The following ANKS1B variants were observed in gnomAD, a reference collection of about 807,000 sequenced individuals.
The protein encoded by ANKS1B is ankyrin repeat and sterile alpha motif domain-containing protein 1B.
Under a neutral mutation model 148.3 loss-of-function variants are expected in ANKS1B, and 36 were observed. That is an observed-to-expected ratio of 0.24 (90% CI 0.19 to 0.32). ANKS1B has a LOEUF of 0.32. ANKS1B is among the 10% of genes least tolerant of loss of function. The probability of loss-of-function intolerance (pLI) is 1.00; values close to 1 mark genes in which losing one functional copy is unlikely to be tolerated. For synonymous variants in ANKS1B, 542 were observed against 560.8 expected (o/e 0.97, Z 0.47); for missense variants, 1,157 against 1,542.6 (o/e 0.75, Z 4.19).
intron 8 of ANKS1B, among the ~76,000 whole-genome samples, chr12:99,670,045 C>G (rs1417236212): frequency 1.3e-5 from 2 of 152,036 alleles, no homozygotes; most frequent in African/African-American, 4.8e-5. Context: ...GGAGCCACTC[C>G]ATACCCTATT....
chr12:99,152,390 C>T (rs920014551), intron 15 of ANKS1B, among the ~76,000 whole-genome samples: 3 of 151,958 alleles, frequency 2.0e-5, no homozygotes, highest in Non-Finnish European at 4.4e-5. Flanking sequence ...GAAAATTATA[C>T]CAAATACTTT....
chr12:99,620,629 T>C (rs757278694), intron 9 of ANKS1B, among the ~76,000 whole-genome samples: 4 of 152,082 alleles, frequency 2.6e-5, no homozygotes, highest in Non-Finnish European at 4.4e-5. Context: ...GCTTCACCAA[T>C]TGACTCGACC....
At chr12:99,531,020 A>T (rs2096983761) in intron 9 of ANKS1B, among the ~76,000 whole-genome samples, 1 of 151,992 alleles carries the variant, frequency 6.6e-6, no homozygotes. Context: ...TGTTCTCCTT[A>T]TTCCCTCTGA....
chr12:98,895,332 G>T, intron 17 of ANKS1B: 13 of 984,594 alleles, frequency 1.3e-5, no homozygotes, highest in Non-Finnish European at 1.4e-5. Flanking sequence ...CGCACTCCGG[G>T]AGGCCGCCGG....
At chr12:99,722,457 A>G (rs986577966) in intron 8 of ANKS1B, among the ~76,000 whole-genome samples, 12 of 152,226 alleles carry the variant, frequency 7.9e-5, no homozygotes, top group African/African-American at 2.4e-4. Context: ...GCTCTATAAT[A>G]AAATAATAAA....
At chr12:99,361,268 C>T (rs116647624) in intron 12 of ANKS1B, among the ~76,000 whole-genome samples, 2,822 of 150,282 alleles carry the variant, frequency 0.019, 87 homozygotes, top group African/African-American at 0.063. Context: ...TAACCACAAA[C>T]ATTAAAAATA....
intron 19 of ANKS1B, among the ~76,000 whole-genome samples, chr12:98,823,221 G>A (rs534162938): frequency 1.3e-5 from 2 of 152,292 alleles, no homozygotes; most frequent in South Asian, 4.2e-4. Flanking sequence ...TTGACGAGCT[G>A]TCAAATCGGA....
intron 15 of ANKS1B, among the ~76,000 whole-genome samples, chr12:99,133,846 C>T (rs770499693): frequency 6.6e-6 from 1 of 152,212 alleles, no homozygotes; most frequent in Non-Finnish European, 1.5e-5. Context: ...AGCGCCTGAA[C>T]TTGTTGTTCC....
intron 11 of ANKS1B, among the ~76,000 whole-genome samples, chr12:99,441,257 A>G (rs2095545203): frequency 6.6e-6 from 1 of 151,852 alleles, no homozygotes; most frequent in Admixed American, 6.6e-5. Flanking sequence ...TTGGAACAGT[A>G]GCTCTCAACC....
intron 26 of ANKS1B, 60 bp from the exon 27 acceptor site, chr12:98,745,909 G>A: frequency 1.3e-6 from 2 of 1,557,830 alleles, no homozygotes; most frequent in Non-Finnish European, 8.7e-7. Context: ...GCGCATGCAC[G>A]CGGACGCCGC....
At chr12:99,077,319 G>A (rs1380054525) in intron 16 of ANKS1B, among the ~76,000 whole-genome samples, 1 of 152,176 alleles carries the variant, frequency 6.6e-6, no homozygotes, top group African/African-American at 2.4e-5. Context: ...CCAACACTGA[G>A]TGGCAGTGAG....
At chr12:98,818,074 C>T (rs2099155628) in intron 19 of ANKS1B, among the ~76,000 whole-genome samples, 2 of 152,146 alleles carry the variant, frequency 1.3e-5, no homozygotes, top group South Asian at 4.2e-4. Flanking sequence ...ACTGTCTTCC[C>T]AAGTTTAAGG....
rs758471310 is a variant in ANKS1B at position 99,244,388 on chromosome 12, A to G, written c.2373T>C (p.Asp791=). The part of the protein sequence containing the change: ...EEIDKIMSSI[D]VGINNELKEM... ...CTTTAAGTTCGTTGTTGATTCCAAC[A>G]TCTATGGAACTCATTATTTTGTCAA... The change falls in exon 14 of 27, where the codon GAT becomes GAC. Residue 791 remains aspartate, a synonymous_variant. Transcript: ENST00000683438. 6 of 1,607,094 alleles carry G rather than the reference A, an allele frequency of 3.7e-6. No individual in the cohort carries two copies. The highest frequency in any genetic ancestry group is 1.1e-5 in the South Asian group (1 of 89,806).
chr12:99,027,211 A>G (rs73386536), intron 17 of ANKS1B, among the ~76,000 whole-genome samples: 2,526 of 152,356 alleles, frequency 0.017, 64 homozygotes, highest in African/African-American at 0.057. Flanking sequence ...CAGACGTTTA[A>G]TATGTGCATT....
chr12:98,866,801 G>A (rs2099626854), intron 17 of ANKS1B, among the ~76,000 whole-genome samples: 2 of 152,034 alleles, frequency 1.3e-5, no homozygotes, highest in African/African-American at 2.4e-5. Context: ...TCTGGCTTAG[G>A]TACCCTCCAC....
chr12:98,844,611 T>C (rs1229963684), intron 17 of ANKS1B, among the ~76,000 whole-genome samples: 1 of 152,218 alleles, frequency 6.6e-6, no homozygotes, highest in East Asian at 1.9e-4. Flanking sequence ...AATAAAGCAC[T>C]TGATGAAGTC....
At chr12:99,662,331 T>C (rs2098481646) in intron 8 of ANKS1B, among the ~76,000 whole-genome samples, 1 of 152,192 alleles carries the variant, frequency 6.6e-6, no homozygotes, top group Non-Finnish European at 1.5e-5. Flanking sequence ...ATTATCACAA[T>C]GATAATTTTA....
At chr12:99,706,473 A>G (rs527766839) in intron 8 of ANKS1B, 1 of 152,120 alleles carries the variant, frequency 6.6e-6, no homozygotes, top group Non-Finnish European at 1.5e-5. Context: ...ACTTTTTGTA[A>G]GCTCAAACAT....
intron 10 of ANKS1B, among the ~76,000 whole-genome samples, chr12:99,488,990 A>T (rs758371493): frequency 2.0e-5 from 3 of 152,152 alleles, no homozygotes; most frequent in Non-Finnish European, 4.4e-5. Context: ...TACAAACGCA[A>T]TCCCAGAACT....
Sources: allele counts gnomAD v4.1 joint callset (sites outside exome capture counted in the v4.1 genomes callset), GRCh38; gene constraint gnomAD v4.1.1; transcripts MANE v1.5; gene names NCBI Gene and HGNC (gene_info 2026-07-23, HGNC 2026-07-21).